Variants in MEMO1 observed in about 807,000 individuals in gnomAD.
MEMO1 encodes mediator of cell motility 1.
A neutral mutation model predicts 45.2 loss-of-function variants in MEMO1; 6 were observed. That is an observed-to-expected ratio of 0.13 (90% CI 0.07 to 0.26). The LOEUF (loss-of-function observed/expected upper bound fraction) is 0.26, where lower values mean the gene tolerates loss of function less well. MEMO1 is among the 10% of genes least tolerant of loss of function. The pLI, the probability that MEMO1 is intolerant of heterozygous loss-of-function variation, is 1.00. For synonymous variants in MEMO1, 78 were observed against 124.3 expected (o/e 0.63, Z 2.48); for missense variants, 184 against 370.5 (o/e 0.50, Z 4.13).
At chr2:31,982,730 T>C (rs745587884) in intron 2 of MEMO1, among the ~76,000 whole-genome samples, 4 of 152,046 alleles carry the variant, frequency 2.6e-5, no homozygotes, top group African/African-American at 9.7e-5. Context: ...GCTGGTAAAT[T>C]TGTTTCAAAC....
intron 2 of MEMO1, among the ~76,000 whole-genome samples, chr2:31,969,398 TATATAC>T (rs1669031836): frequency 7.0e-6 from 1 of 142,368 alleles, no homozygotes; most frequent in Admixed American, 7.4e-5. Flanking sequence ...TATATACGTG[TATATAC>T]ATATATACAC....
rs919745497 is a variant in MEMO1, at chr2:31,875,407, T to C, written c.658-5455A>G. Among the ~76,000 whole-genome samples, 4 of 152,150 alleles carry C rather than the reference T, an allele frequency of 2.6e-5. No individual in the cohort carries two copies. The East Asian group carries it at 7.7e-4, about 29-fold the overall frequency. Reference sequence around the variant, plus strand: ...AAAGTACCACAAGTGAGTTCTGTTGTAATGATAAGGTTAATGATTACTATA... The same window carrying C: ...AAAGTACCACAAGTGAGTTCTGTTGCAATGATAAGGTTAATGATTACTATA... On this transcript the variant is annotated intron_variant, in intron 8 of 9. Transcript: ENST00000404530.
At chr2:31,893,875 T>C (rs1190283901) in intron 6 of MEMO1, among the ~76,000 whole-genome samples, 1 of 152,178 alleles carries the variant, frequency 6.6e-6, no homozygotes, top group Non-Finnish European at 1.5e-5. Context: ...AGGTATAAAA[T>C]TCTATCCTCT....
chr2:31,966,716 G>C (rs1481849822), intron 2 of MEMO1, among the ~76,000 whole-genome samples: 2 of 97,624 alleles, frequency 2.0e-5, no homozygotes, highest in African/African-American at 3.5e-5. Context: ...CTGGGTAACA[G>C]AGCAAGACTC....
At chr2:31,896,173 A>T in intron 6 of MEMO1, among the ~76,000 whole-genome samples, 1 of 152,298 alleles carries the variant, frequency 6.6e-6, no homozygotes, top group East Asian at 1.9e-4. Context: ...GCGAGAAGAA[A>T]ATAACTTCTA....
intron 7 of MEMO1, 32 bp downstream of exon 7, chr2:31,891,960 T>C (rs769131025): frequency 6.3e-7 from 1 of 1,593,026 alleles, no homozygotes; most frequent in South Asian, 1.1e-5. Flanking sequence ...GTATATAACA[T>C]CTACCATGAT....
At chr2:32,006,964 CAAAAAAAAAAAA>C (rs67557055) in intron 2 of MEMO1, among the ~76,000 whole-genome samples, 1 of 75,970 alleles carries the variant, frequency 1.3e-5, no homozygotes, top group African/African-American at 5.0e-5. Flanking sequence ...GATTCCATCT[CAAAAAAAAAAAA>C]AAAAAAAAAA....
intron 6 of MEMO1, among the ~76,000 whole-genome samples, chr2:31,894,164 AAAAC>A (rs1677370834): frequency 6.6e-6 from 1 of 152,258 alleles, no homozygotes; most frequent in African/African-American, 2.4e-5. Context: ...ACTAAAGGCA[AAAAC>A]AAACAAGCAA....
At chr2:31,975,788 T>C (rs976648803) in intron 2 of MEMO1, among the ~76,000 whole-genome samples, 4 of 152,186 alleles carry the variant, frequency 2.6e-5, no homozygotes, top group African/African-American at 9.6e-5. Context: ...ACCCACAATG[T>C]CCAGAGTTGG....
chr2:32,008,112 T>C (rs1170255146), intron 2 of MEMO1, among the ~76,000 whole-genome samples: 2 of 152,208 alleles, frequency 1.3e-5, no homozygotes, highest in Non-Finnish European at 2.9e-5. Context: ...TAAATAACAA[T>C]AATCACAGAA....
At chr2:31,967,359 C>T (rs1161659996) in intron 2 of MEMO1, among the ~76,000 whole-genome samples, 1 of 152,126 alleles carries the variant, frequency 6.6e-6, no homozygotes, top group Admixed American at 6.5e-5. Context: ...CTCCTGACCT[C>T]GTGATCCGCC....
At chr2:31,873,357 A>G (rs1674069437) in intron 8 of MEMO1, among the ~76,000 whole-genome samples, 1 of 152,110 alleles carries the variant, frequency 6.6e-6, no homozygotes, top group African/African-American at 2.4e-5. Flanking sequence ...CAAATCCACA[A>G]ATTGAAAGCT....
At chr2:31,896,847 G>A (rs1174942325) in intron 6 of MEMO1, among the ~76,000 whole-genome samples, 2 of 151,882 alleles carry the variant, frequency 1.3e-5, no homozygotes, top group Non-Finnish European at 2.9e-5. Context: ...AAAAATGTAT[G>A]AATAGATATT....
chr2:31,963,242 G>C, intron 2 of MEMO1: 3 of 1,545,586 alleles, frequency 1.9e-6, no homozygotes, highest in East Asian at 2.4e-5. Context: ...ATAATGGCAT[G>C]AGTCAATTCC....
At position 31,868,433 on chromosome 2, in the gene MEMO1, G is replaced by A; in HGVS notation, c.822C>T (p.Ala274=). 6.2e-7 allele frequency: 1 copy of A among 1,602,250 alleles called. No individual in the cohort carries two copies. Among genetic ancestry groups the A allele is most frequent in the Non-Finnish European group, 8.5e-7 (1 of 1,174,786 alleles). The change falls in exon 10 of 10, where the codon GCC becomes GCT. Residue 274 remains alanine (A), a synonymous_variant. Coordinates refer to ENST00000404530, the MANE Select transcript of MEMO1 (RefSeq NM_001301833.4). ...MNMSFSFLNY[A]QSSQCRNWQD... The stretch of plus-strand genomic sequence containing the variant: ...GCCAGTTTCTACACTGGCTCGACTG[G>A]GCATAATTCAAAAACGAAAAACTCA...
intron 2 of MEMO1, among the ~76,000 whole-genome samples, chr2:31,947,763 A>G (rs558212559): frequency 6.6e-6 from 1 of 152,180 alleles, no homozygotes; most frequent in Non-Finnish European, 1.5e-5. Flanking sequence ...GACTCAAAGA[A>G]TATTTTCCAA....
chr2:31,983,398 A>G (rs1051974270), intron 2 of MEMO1, among the ~76,000 whole-genome samples: 10 of 152,198 alleles, frequency 6.6e-5, no homozygotes, highest in African/African-American at 2.2e-4. Flanking sequence ...GATACCCAGT[A>G]GCCATTAACA....
At chr2:31,907,160 T>C (rs527673267) in intron 6 of MEMO1, among the ~76,000 whole-genome samples, 2 of 152,330 alleles carry the variant, frequency 1.3e-5, no homozygotes, top group East Asian at 3.9e-4. Flanking sequence ...TCCATTCAAA[T>C]GCCACCCCCT....
At chr2:31,883,545 G>T (rs925230862) in intron 7 of MEMO1, 83 bp from the exon 8 acceptor site, 2 of 1,002,372 alleles carry the variant, frequency 2.0e-6, no homozygotes, top group African/African-American at 1.7e-5. Flanking sequence ...AATAATTTCA[G>T]TTCTCATGAA....
Sources: allele counts gnomAD v4.1 joint callset (sites outside exome capture counted in the v4.1 genomes callset), GRCh38; gene constraint gnomAD v4.1.1; transcripts MANE v1.5; gene names NCBI Gene and HGNC (gene_info 2026-07-23, HGNC 2026-07-21).